The following HMGB3 variants were observed in gnomAD, a reference collection of about 807,000 sequenced individuals.
HMGB3 encodes high mobility group box 3.
In HMGB3, 1 loss-of-function variant was observed where a neutral mutation model predicts 12.9. That is an observed-to-expected ratio of 0.08 (90% CI 0.03 to 0.37). The LOEUF is 0.37. Among genes scored for constraint, HMGB3 ranks in the 10% least tolerant of loss-of-function variants. HMGB3 has a pLI of 0.99. For missense variants in HMGB3, 74 were observed against 153.3 expected, an observed-to-expected ratio of 0.48 and a Z score of 2.73; for synonymous variants, 61 against 53.9, an observed-to-expected ratio of 1.13 and a Z score of -0.57.
At chrX:150,983,178 C>A, upstream of HMGB3, 1 of 493,471 alleles carries the variant, frequency 2.0e-6, no homozygotes, top group Non-Finnish European at 2.5e-6. Context: ...ATGAATGATC[C>A]CAGCAGCCGC....
intron 4 of HMGB3, 139 bp from the exon 5 acceptor site, chrX:150,987,638 A>G (rs1253093490): frequency 9.9e-6 from 5 of 503,436 alleles, no homozygotes; most frequent in Non-Finnish European, 1.3e-5. Flanking sequence ...ATATATGGAA[A>G]CACTTCAGAT....
In HMGB3 at chrX:150,990,487, A is replaced by C. The variant is rs2124452589; in HGVS notation, c.*2573A>C. On this transcript the variant is annotated 3_prime_UTR_variant, in exon 5 of 5. Transcript: ENST00000325307. ...GATGTAAGTGGCATGATGTTACCTAAGGCTTAGGCTTAGCTTGATTTCTGG... is the reference window on the plus strand; with the variant it reads ...GATGTAAGTGGCATGATGTTACCTACGGCTTAGGCTTAGCTTGATTTCTGG... 1 of 111,028 alleles carries C rather than the reference A, an allele frequency of 9.0e-6. No homozygotes were observed. Among genetic ancestry groups the C allele is most frequent in the African/African-American group, 3.3e-5 (1 of 30,521 alleles). The allele number at this position is 111,028 out of a possible 1,213,427, so 9.1% of individuals were successfully genotyped here.
chrX:150,983,278 G>A (rs1557425123), upstream of HMGB3: 2 of 753,431 alleles, frequency 2.7e-6, no homozygotes, highest in African/African-American at 2.3e-5. Context: ...AGAGCCCGCT[G>A]GCCAATCAGG....
chrX:150,982,838 G>A (rs1253466907), upstream of HMGB3, among the ~76,000 whole-genome samples: 1 of 113,001 alleles, frequency 8.8e-6, no homozygotes, highest in Non-Finnish European at 1.9e-5. Flanking sequence ...TTCTGTCGCG[G>A]CGCCGCGGCC....
In HMGB3 at chrX:150,985,916, A is replaced by G. The variant is rs1244461202; in HGVS notation, c.151-135A>G. ...TTGTGTGTGTGCTTTTATTTTTTTAAGGCCCTGCACAGGTTTCAGGCCTTT... is the reference window on the plus strand; with the variant it reads ...TTGTGTGTGTGCTTTTATTTTTTTAGGGCCCTGCACAGGTTTCAGGCCTTT... On this transcript the variant is annotated intron_variant, in intron 2 of 4. Coordinates refer to ENST00000325307, the MANE Select transcript of HMGB3 (RefSeq NM_005342.4). 34 of 815,058 alleles carry G rather than the reference A, an allele frequency of 4.2e-5. No homozygotes were observed. In the East Asian group the frequency reaches 1.0e-3, roughly 25 times the overall value. 67.2% of individuals were successfully genotyped at this position (815,058 alleles called of 1,213,427 possible).
At chrX:150,986,002 G>A in intron 2 of HMGB3, 49 bp from the exon 3 acceptor site, 1 of 1,170,149 alleles carries the variant, frequency 8.5e-7, no homozygotes, top group Non-Finnish European at 1.2e-6. Flanking sequence ...AAACTGAATA[G>A]GTATGTGTTC....
rs150269635 is a variant in HMGB3 at position 150,985,685 on chromosome X, A to G, written c.86A>G (p.Lys29Arg). ...CAGACATGCAGAGAAGAACATAAGA[A>G]GAAAAACCCAGAGGTCCCTGTCAAT... is the stretch of plus-strand genomic sequence containing the variant. The part of the protein sequence containing the change: ...FVQTCREEHK[K>R]KNPEVPVNFA... Residue 29 changes from lysine (K) to arginine (R), a missense_variant, in exon 2 of 5, where the codon AAG becomes AGG. This residue lies in a region of HMGB3 where 45 missense variants were observed against 123.8 expected (regional missense o/e 0.36). Coordinates refer to ENST00000325307, the MANE Select transcript of HMGB3 (RefSeq NM_005342.4). The G allele has an allele frequency of 2.4e-4, 286 of 1,206,560 alleles. No homozygotes were observed. The highest frequency in any genetic ancestry group is 3.0e-4 in the Non-Finnish European group (268 of 892,282).
chrX:150,985,966 C>T lies in HMGB3; in HGVS notation c.151-85C>T, dbSNP rs12009536. ...TACCTACCCCCTTTTGCAAGTGGTT[C>T]TAGCAACTGCTAGTTTAATCACAAG... On this transcript the variant is annotated intron_variant, in intron 2 of 4. Transcript: ENST00000325307. 7.2e-4 allele frequency: 756 copies of T among 1,047,381 alleles called. 2 individuals are homozygous for T. In the African/African-American group the frequency reaches 0.013, roughly 17 times the overall value. 86.3% of individuals were successfully genotyped at this position (1,047,381 alleles called of 1,213,427 possible).
upstream of HMGB3, among the ~76,000 whole-genome samples, chrX:150,983,051 T>C (rs2048002454): frequency 8.9e-6 from 1 of 112,175 alleles, no homozygotes; most frequent in Non-Finnish European, 1.9e-5. Flanking sequence ...TCAAAGCCCT[T>C]GGCGATCCCA....
chrX:150,983,421 C>T, intron 1 of HMGB3, 45 bp downstream of exon 1: 1 of 540,443 alleles, frequency 1.9e-6, no homozygotes. Context: ...CCGCCGCCGC[C>T]GCCGCCGCCG....
In HMGB3 at chrX:150,990,692, G is replaced by A. The variant is rs1161610031; in HGVS notation, c.*2778G>A. On this transcript the variant is annotated 3_prime_UTR_variant, in exon 5 of 5. Coordinates refer to ENST00000325307, the MANE Select transcript of HMGB3 (RefSeq NM_005342.4). ...TTGTCTGTGTCTCCTGTGTGTGTCT[G>A]TTCTTGTCACAAATGTATTTGGGGA... is the stretch of plus-strand genomic sequence containing the variant. 1.8e-5 allele frequency: 2 copies of A among 111,485 alleles called. No homozygotes were observed. Among genetic ancestry groups the A allele is most frequent in the African/African-American group, 6.5e-5 (2 of 30,632 alleles). The allele number at this position is 111,485 out of a possible 1,213,427, so 9.2% of individuals were successfully genotyped here.
intron 1 of HMGB3, chrX:150,984,532 G>A (rs1276768627): frequency 2.9e-4 from 185 of 631,536 alleles, no homozygotes; most frequent in Non-Finnish European, 3.4e-4. Flanking sequence ...CACCGCCACC[G>A]CCGCCGCCCC....
rs1312709685 is a variant in HMGB3 at position 150,990,481 on chromosome X, T to A, written c.*2567T>A. 4.5e-5 allele frequency: 5 copies of A among 111,653 alleles called. No homozygotes were observed. Among genetic ancestry groups the A allele is most frequent in the Non-Finnish European group, 9.4e-5 (5 of 53,157 alleles). 9.2% of individuals were successfully genotyped at this position (111,653 alleles called of 1,213,427 possible). ...TGAGATGATGTAAGTGGCATGATGTTACCTAAGGCTTAGGCTTAGCTTGAT... is the reference window on the plus strand; with the variant it reads ...TGAGATGATGTAAGTGGCATGATGTAACCTAAGGCTTAGGCTTAGCTTGAT... On this transcript the variant is annotated 3_prime_UTR_variant, in exon 5 of 5. Transcript: ENST00000325307.
At chrX:150,985,907 A>G in intron 2 of HMGB3, 144 bp from the exon 3 acceptor site, 3 of 829,455 alleles carry the variant, frequency 3.6e-6, no homozygotes, top group Non-Finnish European at 5.2e-6. Flanking sequence ...GTGTGCTTTT[A>G]TTTTTTTAAG....
intron 4 of HMGB3, 117 bp from the exon 5 acceptor site, chrX:150,987,660 C>T: frequency 1.8e-6 from 1 of 561,740 alleles, no homozygotes; most frequent in Non-Finnish European, 2.9e-6. Flanking sequence ...TATATGATAG[C>T]AGCACTGTCT....
chrX:150,987,860 A>G lies in HMGB3; in HGVS notation c.549A>G (p.Glu183=), dbSNP rs2048069442. 1 of 1,197,573 alleles carries G rather than the reference A, an allele frequency of 8.4e-7. No homozygotes were observed. The highest frequency in any genetic ancestry group is 1.1e-6 in the Non-Finnish European group (1 of 888,778). Residue 183 remains glutamate, a synonymous_variant, in exon 5 of 5, where the codon GAA becomes GAG. Coordinates refer to ENST00000325307, the MANE Select transcript of HMGB3 (RefSeq NM_005342.4). ...TTGCCCGGAAAAAGGTGGAAGAGGA[A>G]GATGAAGAAGAGGAGGAGGAAGAAG... ...AKVARKKVEE[E]DEEEEEEEEE...
Position 150,989,803 on chromosome X carries a change from C to G in HMGB3, c.*1889C>G, listed in dbSNP as rs142087768. On this transcript the variant is annotated 3_prime_UTR_variant, in exon 5 of 5. Transcript: ENST00000325307. Reference sequence around the variant, plus strand: ...GAGAAAGCAGCTTTTTCTTAAAATTCACTGTTGAGAAACTTGCATGTCTGG... The same window carrying G: ...GAGAAAGCAGCTTTTTCTTAAAATTGACTGTTGAGAAACTTGCATGTCTGG... The G allele has an allele frequency of 9.0e-6, 1 of 111,665 alleles. No individual in the cohort carries two copies. Among genetic ancestry groups the G allele is most frequent in the African/African-American group, 3.3e-5 (1 of 30,724 alleles). The allele number at this position is 111,665 out of a possible 1,213,427, so 9.2% of individuals were successfully genotyped here. A position where few individuals can be genotyped will look rare whatever the true frequency, so the allele number is the denominator to read the frequency against.
intron 4 of HMGB3, 150 bp from the exon 5 acceptor site, chrX:150,987,627 C>T: frequency 4.1e-6 from 2 of 486,452 alleles, no homozygotes; most frequent in South Asian, 9.3e-5. Context: ...GAACCAAATT[C>T]ATATATGGAA....
intron 1 of HMGB3, 25 bp from the exon 2 acceptor site, chrX:150,985,569 AT>A: frequency 8.7e-7 from 1 of 1,146,041 alleles, no homozygotes; most frequent in Non-Finnish European, 1.2e-6. Flanking sequence ...TCCTCATTGT[AT>A]TTCTTTGTTT....
Sources: gnomAD v4.1 joint callset for allele counts (sites outside exome capture counted in the v4.1 genomes callset) on GRCh38, gnomAD v4.1.1 for gene constraint, gnomAD v4.1.1 regional missense constraint, MANE v1.5 for transcripts, NCBI Gene and HGNC (gene_info 2026-07-23, HGNC 2026-07-21) for gene names.